UHMK1: variants seen among roughly 807,000 people sequenced by gnomAD.
UHMK1 encodes the protein U2AF homology motif kinase 1, also known as serine/threonine-protein kinase Kist.
UHMK1 carries 18 observed loss-of-function variants against 44.0 expected under a neutral mutation model. The observed-to-expected ratio is 0.41, with a 90% CI of 0.28 to 0.61. The LOEUF (loss-of-function observed/expected upper bound fraction) is 0.61. Among genes scored for constraint, UHMK1 ranks in the 20% least tolerant of loss-of-function variants. The pLI is 0.31. For synonymous variants in UHMK1, 231 were observed against 198.5 expected, an observed-to-expected ratio of 1.16 and a Z score of -1.38; for missense variants, 463 against 522.5, an observed-to-expected ratio of 0.89 and a Z score of 1.11.
At chr1:162,497,782 C>T (rs1651101552), upstream of UHMK1, 2 of 1,148,324 alleles carry the variant, frequency 1.7e-6, no homozygotes, top group Non-Finnish European at 2.3e-6. Context: ...CCTCCTTCGG[C>T]CTGTATGATA....
intron 6 of UHMK1, among the ~76,000 whole-genome samples, chr1:162,516,912 A>G (rs1651854485): frequency 6.6e-6 from 1 of 152,250 alleles, no homozygotes; most frequent in African/African-American, 2.4e-5. Flanking sequence ...GAAAGTTTAC[A>G]TTGGTAAACT....
chr1:162,498,144 G>GC lies in UHMK1; in HGVS notation c.150dup (p.Gly51ArgfsTer62), dbSNP rs753848611. 3.7e-6 allele frequency: 6 copies of GC among 1,612,472 alleles called. No individual in the cohort carries two copies. The highest frequency in any genetic ancestry group is 2.5e-6 in the Non-Finnish European group (3 of 1,179,578). On this transcript the variant is annotated frameshift_variant, in exon 1 of 8. Coordinates refer to ENST00000489294, the MANE Select transcript of UHMK1 (RefSeq NM_175866.5). LOFTEE classifies it high-confidence loss of function. ...TTCGCTGCTGCGGCAACCCTGGCTCGCCCCCCGGCGCCCTCAAGCAGTTCT... is the reference window on the plus strand; with the variant it reads ...TTCGCTGCTGCGGCAACCCTGGCTCGCCCCCCCGGCGCCCTCAAGCAGTTCT...
At chr1:162,501,444 A>G (rs1195846544) in intron 3 of UHMK1, among the ~76,000 whole-genome samples, 2 of 152,188 alleles carry the variant, frequency 1.3e-5, no homozygotes, top group Admixed American at 1.3e-4. Context: ...CTGGGATTAC[A>G]GGCATGAGCC....
At chr1:162,497,713 T>G, upstream of UHMK1, 1 of 1,052,464 alleles carries the variant, frequency 9.5e-7, no homozygotes, top group East Asian at 3.4e-5. Context: ...TATTCTCGGT[T>G]CTTTTTTCCA....
Position 162,498,108 on chromosome 1 carries a change from G to A in UHMK1, c.108G>A (p.Ser36=), listed in dbSNP as rs771934850. Residue 36 remains serine (S), a synonymous_variant, in exon 1 of 8, where the codon TCG becomes TCA. Coordinates refer to ENST00000489294, the MANE Select transcript of UHMK1 (RefSeq NM_175866.5). ...QSRLGSGSSA[S]VYRVRCCGNP... ...GTCTGGGTAGCGGCTCCTCCGCCTC[G>A]GTGTATCGGGTTCGCTGCTGCGGCA... The A allele has an allele frequency of 5.0e-6, 8 of 1,611,950 alleles. No homozygotes were observed. The Admixed American group carries it at 1.0e-4, about 20-fold the overall frequency.
At chr1:162,521,293 A>G (rs1291713376) in intron 7 of UHMK1, among the ~76,000 whole-genome samples, 1 of 152,182 alleles carries the variant, frequency 6.6e-6, no homozygotes, top group Non-Finnish European at 1.5e-5. Context: ...ATGGTGTAGT[A>G]TAGAAAAGTA....
At position 162,527,261 on chromosome 1, in the gene UHMK1, A is replaced by G. The variant is rs1652283549; in HGVS notation, c.*4711A>G. 1.3e-5 allele frequency: 2 copies of G among 152,062 alleles called. No individual in the cohort carries two copies. Among genetic ancestry groups the G allele is most frequent in the Non-Finnish European group, 2.9e-5 (2 of 67,918 alleles). 9.4% of individuals were successfully genotyped at this position (152,062 alleles called of 1,614,324 possible). A position where few individuals can be genotyped will look rare whatever the true frequency, so the allele number is the denominator to read the frequency against. On this transcript the variant is annotated 3_prime_UTR_variant, in exon 8 of 8. Coordinates refer to ENST00000489294, the MANE Select transcript of UHMK1 (RefSeq NM_175866.5). ...CCCTCAGATGTTTTTCACTATTTTT[A>G]AATTATATAATGACCAGTAGATTCA...
chr1:162,507,478 C>G (rs962341462), intron 4 of UHMK1, among the ~76,000 whole-genome samples: 18 of 151,744 alleles, frequency 1.2e-4, no homozygotes, highest in Admixed American at 9.2e-4. Context: ...AGACGAGGTC[C>G]CACCATGTGC....
chr1:162,504,854 A>G (rs546449207), intron 4 of UHMK1, among the ~76,000 whole-genome samples: 5 of 152,296 alleles, frequency 3.3e-5, no homozygotes, highest in African/African-American at 1.2e-4. Flanking sequence ...GGCTCACTGC[A>G]ACCTCTGCCT....
At chr1:162,502,852 A>G (rs1224442098) in intron 3 of UHMK1, among the ~76,000 whole-genome samples, 11 of 152,216 alleles carry the variant, frequency 7.2e-5, no homozygotes, top group Non-Finnish European at 7.3e-5. Flanking sequence ...TAATAATGGC[A>G]TCTATCTCAT....
intron 4 of UHMK1, among the ~76,000 whole-genome samples, chr1:162,511,580 T>C (rs1222358598): frequency 6.6e-6 from 1 of 152,226 alleles, no homozygotes; most frequent in Non-Finnish European, 1.5e-5. Context: ...TTTCCTTGGC[T>C]GTGCAGAAGG....
chr1:162,515,890 C>T lies in UHMK1; in HGVS notation c.1025-2212C>T, dbSNP rs543568486. On this transcript the variant is annotated intron_variant, in intron 6 of 7. Transcript: ENST00000489294. Reference sequence around the variant, plus strand: ...TCTACTAAAAATACAAAAAATTAGCCGGGCGTGGTGGCGGGCGCCTGTAGT... The same window carrying T: ...TCTACTAAAAATACAAAAAATTAGCTGGGCGTGGTGGCGGGCGCCTGTAGT... Among the ~76,000 whole-genome samples the T allele has an allele frequency of 4.6e-5, 7 of 152,064 alleles. No individual in the cohort carries two copies. In the East Asian group the frequency reaches 5.8e-4, roughly 13 times the overall value.
intron 3 of UHMK1, 121 bp from the exon 4 acceptor site, chr1:162,503,633 A>ATT: frequency 4.2e-6 from 2 of 475,768 alleles, no homozygotes; most frequent in Non-Finnish European, 7.3e-6. Flanking sequence ...AAAAAAAAAG[A>ATT]TTGTAGGCTC....
intron 4 of UHMK1, among the ~76,000 whole-genome samples, chr1:162,507,403 C>T (rs1012775016): frequency 3.3e-5 from 5 of 152,004 alleles, no homozygotes; most frequent in Non-Finnish European, 7.4e-5. Flanking sequence ...CAGGCGTGAG[C>T]CACAACGCCC....
intron 7 of UHMK1, among the ~76,000 whole-genome samples, chr1:162,519,712 G>T (rs1651985985): frequency 6.6e-6 from 1 of 151,928 alleles, no homozygotes; most frequent in South Asian, 2.1e-4. Context: ...TTTACCTTAG[G>T]GTTTCTCATT....
intron 7 of UHMK1, among the ~76,000 whole-genome samples, chr1:162,518,773 G>T (rs1366000037): frequency 6.6e-6 from 1 of 152,010 alleles, no homozygotes; most frequent in Non-Finnish European, 1.5e-5. Flanking sequence ...CGGATCACGA[G>T]ATCAGGAGTT....
In UHMK1 at chr1:162,522,429, G is replaced by T. The variant is rs767486135; in HGVS notation, c.1139G>T (p.Gly380Val). 3.1e-6 allele frequency: 5 copies of T among 1,613,980 alleles called. No individual in the cohort carries two copies. The African/African-American group carries it at 4.0e-5, about 13-fold the overall frequency. The change falls in exon 8 of 8, where the codon GGT becomes GTT. Residue 380 changes from glycine (G) to valine (V), a missense_variant. By Grantham distance (109) the Gly-to-Val change is moderately radical (BLOSUM62 -3). Around this residue, in one of 3 missense-constraint regions of UHMK1, gnomAD observed 264 missense variants for 326.3 expected, o/e 0.81. Coordinates refer to ENST00000489294, the MANE Select transcript of UHMK1 (RefSeq NM_175866.5). ...GTCTTTGTTGAGTATGCAAATGCTG[G>T]TGATTCCAAAGCTGCGCAGAAATTA... is the stretch of plus-strand genomic sequence containing the variant. ...GQVFVEYANA[G>V]DSKAAQKLLT...
Position 162,522,795 on chromosome 1 carries a change from C to T in UHMK1, c.*245C>T, listed in dbSNP as rs970335763. The T allele has an allele frequency of 3.4e-5, 12 of 352,348 alleles. No individual in the cohort carries two copies. Among genetic ancestry groups the T allele is most frequent in the East Asian group, 1.8e-4 (4 of 21,908 alleles). 21.8% of individuals were successfully genotyped at this position (352,348 alleles called of 1,614,324 possible). ...TCCATGTGGGCAACCCTTTTTTGTG[C>T]GGGAGAGCAGGTGTTGCTCTTCAGT... On this transcript the variant is annotated 3_prime_UTR_variant, in exon 8 of 8. Coordinates refer to ENST00000489294, the MANE Select transcript of UHMK1 (RefSeq NM_175866.5).
Position 162,498,187 on chromosome 1 carries a change from G to C in UHMK1, c.187G>C (p.Gly63Arg), listed in dbSNP as rs1251890349. The change falls in exon 1 of 8, where the codon GGG becomes CGG. Residue 63 changes from glycine to arginine, a missense_variant. Gly to Arg is a moderately radical substitution (Grantham distance 125). Transcript: ENST00000489294. ...GCAGTTCTTGCCGCCAGGAACCACC[G>C]GGGCTGCGGCCTCTGCCGCCGAGTA... is the stretch of plus-strand genomic sequence containing the variant. ...LKQFLPPGTT[G>R]AAASAAEYGF... The C allele has an allele frequency of 1.2e-6, 2 of 1,613,028 alleles. No individual in the cohort carries two copies. Among genetic ancestry groups the C allele is most frequent in the Non-Finnish European group, 1.7e-6 (2 of 1,179,388 alleles).
Sources: gnomAD v4.1 joint callset for allele counts (sites outside exome capture counted in the v4.1 genomes callset) on GRCh38, gnomAD v4.1.1 for gene constraint, gnomAD v4.1.1 regional missense constraint, MANE v1.5 for transcripts, NCBI Gene and HGNC (gene_info 2026-07-23, HGNC 2026-07-21) for gene names.